Variants in DMRT1 observed in about 807,000 individuals in gnomAD.
DMRT1 encodes the protein doublesex and mab-3 related transcription factor 1, also known as doublesex- and mab-3-related transcription factor 1.
A neutral mutation model predicts 32.3 loss-of-function variants in DMRT1; 7 were observed. The ratio of observed to expected loss-of-function variants is 0.22; its 90% confidence interval spans 0.12 to 0.41. The LOEUF (loss-of-function observed/expected upper bound fraction) is 0.41. Among genes scored for constraint, DMRT1 ranks in the 10% least tolerant of loss-of-function variants. DMRT1 has a pLI of 1.00. For missense variants in DMRT1, 625 were observed against 500.5 expected (o/e 1.25, Z -2.37); for synonymous variants, 278 against 206.1 (o/e 1.35, Z -2.99).
intron 2 of DMRT1, among the ~76,000 whole-genome samples, chr9:876,528 C>G (rs76483493): frequency 6.9e-6 from 1 of 145,716 alleles, no homozygotes; most frequent in South Asian, 2.2e-4. Flanking sequence ...CGTCAATAGG[C>G]TTTTTTTTTT....
In DMRT1 at chr9:865,789, C is replaced by A. The variant is rs184993294; in HGVS notation, c.538+18646C>A. Among the ~76,000 whole-genome samples, 7 of 152,268 alleles carry A rather than the reference C, an allele frequency of 4.6e-5. No homozygotes were observed. In the South Asian group the frequency reaches 6.2e-4, roughly 14 times the overall value. ...TCCCATTAGAATATAAATATTTCCC[C>A]TTCTTTTCATGACCTTCTTTTTCTG... On this transcript the variant is annotated intron_variant, in intron 2 of 4. Transcript: ENST00000382276.
intron 2 of DMRT1, among the ~76,000 whole-genome samples, chr9:891,324 G>A (rs947951975): frequency 2.0e-5 from 3 of 151,942 alleles, no homozygotes; most frequent in African/African-American, 4.8e-5. Context: ...GGTGGCTTGC[G>A]CCTGTATTCC....
intron 2 of DMRT1, among the ~76,000 whole-genome samples, chr9:864,105 C>G (rs576832207): frequency 8.0e-4 from 122 of 152,274 alleles, no homozygotes; most frequent in Non-Finnish European, 1.7e-3. Flanking sequence ...TGTAACTTTT[C>G]CACTTCCTGT....
At chr9:946,817 C>T (rs111833311) in intron 4 of DMRT1, among the ~76,000 whole-genome samples, 2,219 of 152,238 alleles carry the variant, frequency 0.015, 56 homozygotes, top group African/African-American at 0.051. Context: ...TTGGGGAATA[C>T]GTCCTTTCTG....
At chr9:851,045 A>AAAAG (rs375863067) in intron 2 of DMRT1, among the ~76,000 whole-genome samples, 6 of 14,180 alleles carry the variant, frequency 4.2e-4, no homozygotes, top group Admixed American at 2.9e-3. Context: ...AAAAAAAAAA[A>AAAAG]GAAAGAAAAA....
At chr9:858,432 G>A (rs1185556364) in intron 2 of DMRT1, among the ~76,000 whole-genome samples, 1 of 152,138 alleles carries the variant, frequency 6.6e-6, no homozygotes, top group African/African-American at 2.4e-5. Context: ...TAGTTACTTG[G>A]TGGTTTGAGG....
chr9:916,340 C>A (rs1342416363), intron 3 of DMRT1, among the ~76,000 whole-genome samples: 1 of 151,896 alleles, frequency 6.6e-6, no homozygotes, highest in African/African-American at 2.4e-5. Flanking sequence ...GCTGAGGCCA[C>A]TTCCAACTTA....
chr9:921,058 A>G lies in DMRT1; in HGVS notation c.967+4151A>G, dbSNP rs528296055. 1.9e-3 allele frequency among the ~76,000 whole-genome samples: 296 copies of G among 152,324 alleles called. 2 individuals are homozygous for G. Among genetic ancestry groups the G allele is most frequent in the Non-Finnish European group, 1.9e-3 (130 of 68,042 alleles). On this transcript the variant is annotated intron_variant, in intron 4 of 4. Coordinates refer to ENST00000382276, the MANE Select transcript of DMRT1 (RefSeq NM_021951.3). ...AACATTAACTATTAACCATAATTAA[A>G]GTGTACAATTCAGTGGCATTTGGTA...
At chr9:911,419 G>A (rs1217144800) in intron 3 of DMRT1, among the ~76,000 whole-genome samples, 1 of 143,532 alleles carries the variant, frequency 7.0e-6, no homozygotes, top group Non-Finnish European at 1.5e-5. Context: ...AGAGCAGGAA[G>A]TAATTTAGTT....
chr9:930,612 G>A (rs1420034425), intron 4 of DMRT1, among the ~76,000 whole-genome samples: 1 of 151,992 alleles, frequency 6.6e-6, no homozygotes, highest in Non-Finnish European at 1.5e-5. Context: ...GTTTCACCAT[G>A]TTAGCCAGGA....
At chr9:911,470 ATTTTTTTTTTTTTTTTTTTTTTTTTTTTT>A (rs201141931) in intron 3 of DMRT1, among the ~76,000 whole-genome samples, 1 of 66,948 alleles carries the variant, frequency 1.5e-5, no homozygotes, top group African/African-American at 3.9e-5. Flanking sequence ...GGTTAATTGC[ATTTTTTTTTTTTTTTTTTTTTTTTTTTTT>A]TTTTTTTTTT....
At chr9:903,679 G>T (rs180757735) in intron 3 of DMRT1, among the ~76,000 whole-genome samples, 1 of 152,190 alleles carries the variant, frequency 6.6e-6, no homozygotes, top group South Asian at 2.1e-4. Context: ...CTACAGTATA[G>T]TGCACAGGAG....
chr9:851,562 G>C (rs1054685028), intron 2 of DMRT1, among the ~76,000 whole-genome samples: 1 of 152,212 alleles, frequency 6.6e-6, no homozygotes, highest in Admixed American at 6.5e-5. Context: ...AGTCCTTGAA[G>C]TTTCTTAGTT....
At chr9:892,329 GTGGTGACTCTTGGA>G (rs1237149196) in intron 2 of DMRT1, among the ~76,000 whole-genome samples, 3 of 152,072 alleles carry the variant, frequency 2.0e-5, no homozygotes, top group African/African-American at 7.2e-5. Context: ...AGCACCTCCA[GTGGTGACTCTTGGA>G]TCTGGCTTCC....
At chr9:933,275 G>A (rs1205163108) in intron 4 of DMRT1, among the ~76,000 whole-genome samples, 1 of 152,154 alleles carries the variant, frequency 6.6e-6, no homozygotes, top group African/African-American at 2.4e-5. Flanking sequence ...CCCCCATCCT[G>A]ATGTTATCTA....
intron 3 of DMRT1, among the ~76,000 whole-genome samples, chr9:900,748 A>G (rs1885772): frequency 0.54 from 82,214 of 151,006 alleles, 26,482 homozygotes; most frequent in South Asian, 0.73. Flanking sequence ...GCAGTAGTGC[A>G]ATCGTAGCTC....
intron 2 of DMRT1, among the ~76,000 whole-genome samples, chr9:855,221 G>C (rs145906717): frequency 1.4e-3 from 217 of 152,286 alleles, no homozygotes; most frequent in Admixed American, 3.0e-3. Context: ...TGAAAACAAA[G>C]TACGTAGGAA....
At chr9:952,648 C>T (rs1015804306) in intron 4 of DMRT1, among the ~76,000 whole-genome samples, 3 of 152,188 alleles carry the variant, frequency 2.0e-5, no homozygotes, top group African/African-American at 7.2e-5. Flanking sequence ...TTGCCCTGAG[C>T]TTCGAAGCCA....
chr9:928,680 A>C (rs1425153051), intron 4 of DMRT1, among the ~76,000 whole-genome samples: 2 of 152,194 alleles, frequency 1.3e-5, no homozygotes, highest in Non-Finnish European at 2.9e-5. Flanking sequence ...GGGTCGGCCC[A>C]ACATGTACAA....
Sources: allele counts gnomAD v4.1 joint callset (sites outside exome capture counted in the v4.1 genomes callset), GRCh38; gene constraint gnomAD v4.1.1; transcripts MANE v1.5; gene names NCBI Gene and HGNC (gene_info 2026-07-23, HGNC 2026-07-21).